The following CNTN4 variants were observed in gnomAD, a reference collection of about 807,000 sequenced individuals.
CNTN4 encodes the protein contactin-4.
A neutral mutation model predicts 122.5 loss-of-function variants in CNTN4; 77 were observed. That is an observed-to-expected ratio of 0.63 (90% confidence interval 0.52 to 0.76). The LOEUF (loss-of-function observed/expected upper bound fraction) is 0.76. CNTN4 is among the 30% of genes least tolerant of loss of function. The probability of loss-of-function intolerance (pLI) is 0.00; values close to 1 mark genes in which losing one functional copy is unlikely to be tolerated. For synonymous variants in CNTN4, 512 were observed against 447.0 expected (o/e 1.15, Z -1.83); for missense variants, 1,256 against 1,259.1 (o/e 1.00, Z 0.04).
chr3:2,950,502 A>G (rs1272050331), intron 13 of CNTN4, among the ~76,000 whole-genome samples: 1 of 152,190 alleles, frequency 6.6e-6, no homozygotes, highest in Non-Finnish European at 1.5e-5. Flanking sequence ...TCCCTGTCAT[A>G]GTGACATCCA....
chr3:2,805,970 C>T (rs1056636349), intron 6 of CNTN4, among the ~76,000 whole-genome samples: 1 of 151,782 alleles, frequency 6.6e-6, no homozygotes, highest in Non-Finnish European at 1.5e-5. Context: ...GGTGAGATGT[C>T]GGCTCACTGC....
intron 6 of CNTN4, among the ~76,000 whole-genome samples, chr3:2,778,024 C>T (rs529483882): frequency 1.3e-5 from 2 of 151,658 alleles, no homozygotes; most frequent in South Asian, 2.1e-4. Context: ...GCCATCCTGG[C>T]TAACACGGTG....
chr3:2,792,867 A>G (rs2092055677), intron 6 of CNTN4, among the ~76,000 whole-genome samples: 1 of 152,254 alleles, frequency 6.6e-6, no homozygotes, highest in African/African-American at 2.4e-5. Flanking sequence ...CATTTTCAAA[A>G]TACACATTCT....
At chr3:2,804,234 A>G (rs189020059) in intron 6 of CNTN4, among the ~76,000 whole-genome samples, 15 of 152,280 alleles carry the variant, frequency 9.9e-5, no homozygotes, top group Non-Finnish European at 2.2e-4. Context: ...TTAGGATCAC[A>G]GGTGTGCACT....
chr3:2,618,993 G>A (rs1256274117), intron 4 of CNTN4, among the ~76,000 whole-genome samples: 1 of 152,150 alleles, frequency 6.6e-6, no homozygotes, highest in Non-Finnish European at 1.5e-5. Context: ...GTAAAATACA[G>A]GATATGTTCC....
At chr3:2,334,955 C>A (rs2043883848) in intron 2 of CNTN4, among the ~76,000 whole-genome samples, 1 of 152,170 alleles carries the variant, frequency 6.6e-6, no homozygotes, top group Admixed American at 6.5e-5. Flanking sequence ...TAGATCAGGA[C>A]TGTTTGTTCC....
At chr3:2,493,815 G>C (rs570991047) in intron 3 of CNTN4, among the ~76,000 whole-genome samples, 2 of 152,166 alleles carry the variant, frequency 1.3e-5, no homozygotes, top group South Asian at 4.2e-4. Context: ...GAAATGATTC[G>C]GCTGGGAATT....
At chr3:2,781,717 T>C (rs1437789866) in intron 6 of CNTN4, among the ~76,000 whole-genome samples, 1 of 20,056 alleles carries the variant, frequency 5.0e-5, no homozygotes, top group South Asian at 2.5e-3. Context: ...TTTGGGTAAA[T>C]TTTTTTTTTT....
At chr3:2,492,912 C>G (rs1219471614) in intron 3 of CNTN4, among the ~76,000 whole-genome samples, 1 of 152,110 alleles carries the variant, frequency 6.6e-6, no homozygotes, top group Non-Finnish European at 1.5e-5. Context: ...GAAGATACCA[C>G]AAAGACTTGA....
At chr3:2,826,298 G>T (rs1299230400) in intron 7 of CNTN4, among the ~76,000 whole-genome samples, 1 of 152,142 alleles carries the variant, frequency 6.6e-6, no homozygotes, top group African/African-American at 2.4e-5. Context: ...TGCAGCCAGG[G>T]TGGAAAACTT....
chr3:2,254,126 G>A (rs1292105040), intron 2 of CNTN4, among the ~76,000 whole-genome samples: 3 of 148,282 alleles, frequency 2.0e-5, no homozygotes, highest in Non-Finnish European at 3.0e-5. Flanking sequence ...ACTTATGAGT[G>A]AGAACATGCG....
At chr3:2,318,593 G>C (rs1023378795) in intron 2 of CNTN4, among the ~76,000 whole-genome samples, 6 of 152,072 alleles carry the variant, frequency 3.9e-5, no homozygotes, top group Non-Finnish European at 7.4e-5. Context: ...TACTGTCTCT[G>C]TGTGCAGATT....
intron 3 of CNTN4, among the ~76,000 whole-genome samples, chr3:2,358,764 A>T (rs994103299): frequency 3.9e-5 from 6 of 152,212 alleles, no homozygotes; most frequent in Non-Finnish European, 8.8e-5. Flanking sequence ...TTGGTTATAT[A>T]TAATGAACTA....
chr3:2,658,965 G>GACACACACAC (rs67168398), intron 4 of CNTN4, among the ~76,000 whole-genome samples: 32 of 139,606 alleles, frequency 2.3e-4, no homozygotes, highest in Admixed American at 1.2e-3. Context: ...CACACAAACA[G>GACACACACAC]ACACACACAC....
At chr3:2,365,338 T>C (rs1460058418) in intron 3 of CNTN4, among the ~76,000 whole-genome samples, 1 of 152,234 alleles carries the variant, frequency 6.6e-6, no homozygotes, top group African/African-American at 2.4e-5. Flanking sequence ...TCTGGAGTAA[T>C]GAGTTTGATC....
chr3:2,162,853 T>TTGGGAGGCAGAGGCGGG (rs2036026169), intron 2 of CNTN4, among the ~76,000 whole-genome samples: 1 of 152,016 alleles, frequency 6.6e-6, no homozygotes, highest in Admixed American at 6.6e-5. Flanking sequence ...TCCCAGCACT[T>TTGGGAGGCAGAGGCGGG]TGGGAGGCAG....
intron 3 of CNTN4, among the ~76,000 whole-genome samples, chr3:2,360,842 T>A (rs1418036332): frequency 6.6e-6 from 1 of 152,122 alleles, no homozygotes; most frequent in Non-Finnish European, 1.5e-5. Flanking sequence ...GGATTACAAT[T>A]CAAGATGAGA....
chr3:2,893,585 G>A (rs907317396), intron 10 of CNTN4, among the ~76,000 whole-genome samples: 5 of 152,104 alleles, frequency 3.3e-5, no homozygotes, highest in African/African-American at 4.8e-5. Flanking sequence ...TACGCATTAA[G>A]CAAACGTTGC....
At chr3:2,242,325 A>C (rs2039973657) in intron 2 of CNTN4, among the ~76,000 whole-genome samples, 1 of 152,138 alleles carries the variant, frequency 6.6e-6, no homozygotes, top group Admixed American at 6.6e-5. Flanking sequence ...GATTTGGTCC[A>C]CATATCATAA....
Sources: allele counts gnomAD v4.1 joint callset (sites outside exome capture counted in the v4.1 genomes callset), GRCh38; gene constraint gnomAD v4.1.1; transcripts MANE v1.5; gene names NCBI Gene and HGNC (gene_info 2026-07-23, HGNC 2026-07-21).